Variants in XPO6 observed in about 807,000 individuals in gnomAD.
The protein encoded by XPO6 is exportin-6.
Under a neutral mutation model 130.0 loss-of-function variants are expected in XPO6, and 3 were observed. The observed-to-expected ratio is 0.02, with a 90% CI of 0.01 to 0.06. XPO6 has a LOEUF of 0.06. Among genes scored for constraint, XPO6 ranks in the 10% least tolerant of loss-of-function variants. The probability of loss-of-function intolerance (pLI) is 1.00; values close to 1 mark genes in which losing one functional copy is unlikely to be tolerated. For synonymous variants in XPO6, 524 were observed against 548.9 expected (o/e 0.95, Z 0.63); for missense variants, 970 against 1,393.0 (o/e 0.70, Z 4.83).
chr16:28,153,275 C>T, intron 7 of XPO6: 1 of 988,538 alleles, frequency 1.0e-6, no homozygotes, highest in Non-Finnish European at 1.2e-6. Flanking sequence ...CATTTTTCCC[C>T]CTTTGGTTCC....
intron 14 of XPO6, among the ~76,000 whole-genome samples, chr16:28,119,994 C>T (rs2087188527): frequency 6.6e-6 from 1 of 152,072 alleles, no homozygotes; most frequent in African/African-American, 2.4e-5. Context: ...GGTGCAAGTG[C>T]CACCATGCCC....
chr16:28,190,613 A>T (rs1287025502), intron 1 of XPO6, among the ~76,000 whole-genome samples: 1 of 152,188 alleles, frequency 6.6e-6, no homozygotes, highest in East Asian at 1.9e-4. Context: ...CCTGGACTGG[A>T]GGGAAAAAAT....
chr16:28,147,884 T>G (rs1185010512), intron 8 of XPO6, among the ~76,000 whole-genome samples: 1 of 152,128 alleles, frequency 6.6e-6, no homozygotes, highest in Non-Finnish European at 1.5e-5. Flanking sequence ...AGGCGGAGGT[T>G]GCAGTGAGCT....
intron 2 of XPO6, chr16:28,179,227 G>A (rs139656321): frequency 6.6e-6 from 1 of 152,404 alleles, no homozygotes; most frequent in Admixed American, 6.5e-5. Flanking sequence ...CATAAGAAAA[G>A]GGGGGAAACA....
At chr16:28,155,830 G>T in intron 7 of XPO6, 1 of 971,044 alleles carries the variant, frequency 1.0e-6, no homozygotes, top group Non-Finnish European at 1.4e-6. Flanking sequence ...ACAGGAGATG[G>T]ATGGGGAGAA....
chr16:28,168,609 T>C (rs2043396745), intron 5 of XPO6, among the ~76,000 whole-genome samples: 1 of 151,288 alleles, frequency 6.6e-6, no homozygotes, highest in African/African-American at 2.4e-5. Flanking sequence ...TTTCTTTTTT[T>C]TTTTTTTAAA....
chr16:28,171,309 C>T (rs571653262), intron 4 of XPO6, among the ~76,000 whole-genome samples: 1 of 151,514 alleles, frequency 6.6e-6, no homozygotes, highest in East Asian at 1.9e-4. Flanking sequence ...AAAAATTAGC[C>T]GGGTGTGGTG....
At chr16:28,126,018 G>A (rs1331520946) in intron 12 of XPO6, among the ~76,000 whole-genome samples, 170 bp from the exon 13 acceptor site, 2 of 151,812 alleles carry the variant, frequency 1.3e-5, no homozygotes, top group African/African-American at 2.4e-5. Flanking sequence ...ACTGGGCCCG[G>A]TATCCACCTA....
intron 8 of XPO6, among the ~76,000 whole-genome samples, chr16:28,148,202 A>T (rs1269407924): frequency 6.6e-6 from 1 of 152,216 alleles, no homozygotes; most frequent in Non-Finnish European, 1.5e-5. Flanking sequence ...CTTTATAATT[A>T]TACATATAAA....
chr16:28,117,008 T>C, intron 15 of XPO6: 1 of 288,894 alleles, frequency 3.5e-6, no homozygotes, highest in Non-Finnish European at 6.8e-6. Context: ...ACTGCCCAAC[T>C]GTGCTTACCG....
chr16:28,202,582 A>C (rs1469743627), intron 1 of XPO6, among the ~76,000 whole-genome samples: 1 of 152,218 alleles, frequency 6.6e-6, no homozygotes, highest in African/African-American at 2.4e-5. Context: ...TAGAAGAGGA[A>C]GTTAAAGATG....
chr16:28,112,151 T>C, intron 16 of XPO6, 145 bp from the exon 17 acceptor site: 3 of 865,278 alleles, frequency 3.5e-6, no homozygotes, highest in Non-Finnish European at 5.2e-6. Context: ...GCAAGGCCTT[T>C]GGTCCAACTG....
At chr16:28,205,386 G>C (rs1423449676) in intron 1 of XPO6, among the ~76,000 whole-genome samples, 1 of 152,124 alleles carries the variant, frequency 6.6e-6, no homozygotes, top group Non-Finnish European at 1.5e-5. Context: ...TCACTTGGAA[G>C]GCCCTTTCTT....
chr16:28,124,868 G>A lies in XPO6; in HGVS notation c.1766+821C>T, dbSNP rs75016793. ...CCTGAGGCTCACTTCCCCTCTGCACGTCACCAGTGATGCGGCTGCTGGGCC... is the reference window on the plus strand; with the variant it reads ...CCTGAGGCTCACTTCCCCTCTGCACATCACCAGTGATGCGGCTGCTGGGCC... On this transcript the variant is annotated intron_variant, in intron 13 of 23. Transcript: ENST00000304658. 1.8e-4 allele frequency among the ~76,000 whole-genome samples: 27 copies of A among 152,312 alleles called. No homozygotes were observed. The East Asian group carries it at 4.0e-3, about 23-fold the overall frequency.
rs544611360 is a variant in XPO6, at chr16:28,172,225, G to C, written c.406-2316C>G. Among the ~76,000 whole-genome samples, 238 of 152,262 alleles carry C rather than the reference G, an allele frequency of 1.6e-3. 1 individual carries two copies. The highest frequency in any genetic ancestry group is 7.2e-3 in the South Asian group (35 of 4,828). ...TTTCCTCTCATTAGCTTTGTACCCA[G>C]GAAGCTTTTGATTAAAATAGTGTCT... On this transcript the variant is annotated intron_variant, in intron 4 of 23. Coordinates refer to ENST00000304658, the MANE Select transcript of XPO6 (RefSeq NM_015171.4).
At chr16:28,144,853 G>T (rs11639685) in intron 9 of XPO6, among the ~76,000 whole-genome samples, 1 of 152,164 alleles carries the variant, frequency 6.6e-6, no homozygotes, top group Admixed American at 6.5e-5. Flanking sequence ...CACAGGCTAA[G>T]TACCTTACCC....
intron 1 of XPO6, among the ~76,000 whole-genome samples, chr16:28,205,398 G>T (rs1412419111): frequency 6.6e-6 from 1 of 152,000 alleles, no homozygotes; most frequent in East Asian, 1.9e-4. Flanking sequence ...CCCTTTCTTT[G>T]TCCCAGTGTC....
intron 6 of XPO6, among the ~76,000 whole-genome samples, chr16:28,158,702 G>A (rs530409966): frequency 1.8e-4 from 28 of 152,268 alleles, no homozygotes; most frequent in African/African-American, 6.7e-4. Flanking sequence ...GACCAGTAAT[G>A]TAATCAGGGA....
chr16:28,121,746 G>A lies in XPO6; in HGVS notation c.1783C>T (p.Leu595=), dbSNP rs777314888. The A allele has an allele frequency of 1.2e-6, 2 of 1,613,776 alleles. No individual in the cohort carries two copies. The highest frequency in any genetic ancestry group is 1.7e-6 in the Non-Finnish European group (2 of 1,179,744). Residue 595 remains leucine (L), a synonymous_variant, in exon 14 of 24, where the codon CTG becomes TTG. Coordinates refer to ENST00000304658, the MANE Select transcript of XPO6 (RefSeq NM_015171.4). ...TACAATTTTATCTGAGATCCGTACAGAGTGACTTTGACCAACCTGTTGGCA... is the reference window on the plus strand; with the variant it reads ...TACAATTTTATCTGAGATCCGTACAAAGTGACTTTGACCAACCTGTTGGCA... ...TVVERLVKVT[L]YGSQIKLYNI...
Sources: allele counts gnomAD v4.1 joint callset (sites outside exome capture counted in the v4.1 genomes callset), GRCh38; gene constraint gnomAD v4.1.1; transcripts MANE v1.5; gene names NCBI Gene and HGNC (gene_info 2026-07-23, HGNC 2026-07-21).